ASXL2: variants seen among roughly 807,000 people sequenced by gnomAD.
ASXL2 encodes the protein putative Polycomb group protein ASXL2.
Under a neutral mutation model 122.0 loss-of-function variants are expected in ASXL2, and 23 were observed. That is an observed-to-expected ratio of 0.19 (90% CI 0.14 to 0.27). ASXL2 has a LOEUF of 0.27. Among genes scored for constraint, ASXL2 ranks in the 10% least tolerant of loss-of-function variants. ASXL2 has a pLI of 1.00. For missense variants in ASXL2, 1,518 were observed against 1,713.8 expected, an observed-to-expected ratio of 0.89 and a Z score of 2.02; for synonymous variants, 650 against 637.0, an observed-to-expected ratio of 1.02 and a Z score of -0.31.
intron 1 of ASXL2, among the ~76,000 whole-genome samples, chr2:25,858,391 C>A (rs1394451424): frequency 1.3e-5 from 2 of 151,404 alleles, no homozygotes; most frequent in Non-Finnish European, 2.9e-5. Context: ...CAGCCATGTC[C>A]TCCTCATCTC....
At chr2:25,831,795 AT>A (rs2089457370) in intron 3 of ASXL2, among the ~76,000 whole-genome samples, 1 of 152,240 alleles carries the variant, frequency 6.6e-6, no homozygotes, top group African/African-American at 2.4e-5. Flanking sequence ...ACCAAGATAC[AT>A]CATAATTAAA....
intron 7 of ASXL2, among the ~76,000 whole-genome samples, chr2:25,768,113 A>G (rs2088384664): frequency 1.3e-5 from 2 of 152,240 alleles, no homozygotes; most frequent in Admixed American, 6.5e-5. Flanking sequence ...AGACATGTCC[A>G]AAAGAAACTC....
chr2:25,736,710 G>C lies in ASXL2; in HGVS notation c.*5319C>G, dbSNP rs1350052475. On this transcript the variant is annotated 3_prime_UTR_variant, in exon 13 of 13. Coordinates refer to ENST00000435504, the MANE Select transcript of ASXL2 (RefSeq NM_018263.6). ...CCAAAATATATTTTTTCTTTTCAGT[G>C]AAAGTAACCACAGCTGGGCAATTAT... The C allele has an allele frequency of 2.0e-5, 3 of 150,890 alleles. No individual in the cohort carries two copies. Among genetic ancestry groups the C allele is most frequent in the African/African-American group, 7.3e-5 (3 of 41,052 alleles). 9.3% of individuals were successfully genotyped at this position (150,890 alleles called of 1,614,324 possible). A position where few individuals can be genotyped will look rare whatever the true frequency, so the allele number is the denominator to read the frequency against.
intron 1 of ASXL2, among the ~76,000 whole-genome samples, chr2:25,857,738 T>G (rs1003920057): frequency 6.6e-6 from 1 of 152,210 alleles, no homozygotes; most frequent in Non-Finnish European, 1.5e-5. Context: ...GTCATCCAGC[T>G]TTCACTTTCC....
chr2:25,766,454 A>G lies in ASXL2; in HGVS notation c.775+1129T>C, dbSNP rs1438970702. 4.6e-5 allele frequency among the ~76,000 whole-genome samples: 7 copies of G among 152,256 alleles called. No homozygotes were observed. In the East Asian group the frequency reaches 9.6e-4, roughly 21 times the overall value. On this transcript the variant is annotated intron_variant, in intron 8 of 12. Coordinates refer to ENST00000435504, the MANE Select transcript of ASXL2 (RefSeq NM_018263.6). The stretch of plus-strand genomic sequence containing the variant: ...CCAAGTTTCTTACTTTTTCTCTCCT[A>G]CTGAACCTCTTTTTAACTTTGACAG...
chr2:25,843,301 C>CAAAA (rs35388163), intron 2 of ASXL2, among the ~76,000 whole-genome samples: 1 of 93,028 alleles, frequency 1.1e-5, no homozygotes, highest in Non-Finnish European at 2.1e-5. Context: ...GACTTCGTCT[C>CAAAA]AAAAAAAAAA....
intron 1 of ASXL2, among the ~76,000 whole-genome samples, chr2:25,850,640 G>A: frequency 6.6e-6 from 1 of 152,010 alleles, no homozygotes; most frequent in Admixed American, 6.6e-5. Flanking sequence ...GGATAGATGT[G>A]GTCTATCTGA....
intron 1 of ASXL2, among the ~76,000 whole-genome samples, chr2:25,865,477 C>T (rs1294436727): frequency 6.7e-6 from 1 of 148,702 alleles, no homozygotes; most frequent in Non-Finnish European, 1.5e-5. Context: ...TTTTTTAAAT[C>T]CAAATATAGG....
chr2:25,813,972 C>A (rs1231689393), intron 3 of ASXL2, among the ~76,000 whole-genome samples: 1 of 152,110 alleles, frequency 6.6e-6, no homozygotes, highest in Non-Finnish European at 1.5e-5. Flanking sequence ...ATGGCGTGAA[C>A]CCAGGAGGCG....
At chr2:25,805,205 C>G (rs562858884) in intron 4 of ASXL2, among the ~76,000 whole-genome samples, 96 of 152,236 alleles carry the variant, frequency 6.3e-4, no homozygotes, top group African/African-American at 2.2e-3. Flanking sequence ...TTGACTTTCT[C>G]CATTATAAAA....
Position 25,740,482 on chromosome 2 carries a change from A to C in ASXL2, c.*1547T>G, listed in dbSNP as rs771167152. 4.3e-4 allele frequency: 97 copies of C among 228,076 alleles called. No individual in the cohort carries two copies. Among genetic ancestry groups the C allele is most frequent in the Non-Finnish European group, 7.4e-4 (85 of 114,990 alleles). 14.1% of individuals were successfully genotyped at this position (228,076 alleles called of 1,614,324 possible). A position where few individuals can be genotyped will look rare whatever the true frequency, so the allele number is the denominator to read the frequency against. The stretch of plus-strand genomic sequence containing the variant: ...TACCCATTCCAAATTAGGAGACTTG[A>C]AATCAATATGCAAATGATGCAAATT... On this transcript the variant is annotated 3_prime_UTR_variant, in exon 13 of 13. Transcript: ENST00000435504.
At chr2:25,804,184 G>A (rs2089044289) in intron 4 of ASXL2, among the ~76,000 whole-genome samples, 1 of 152,022 alleles carries the variant, frequency 6.6e-6, no homozygotes, top group Non-Finnish European at 1.5e-5. Context: ...TCTAATGTTA[G>A]GCTCTACACA....
chr2:25,818,194 A>C lies in ASXL2; in HGVS notation c.144-11857T>G, dbSNP rs557091040. ...TTAGAGTATATTTGACCAATGACTT[A>C]CTATACCTCAAATCCTGTTTAAAAA... On this transcript the variant is annotated intron_variant, in intron 3 of 12. Coordinates refer to ENST00000435504, the MANE Select transcript of ASXL2 (RefSeq NM_018263.6). 2.0e-5 allele frequency among the ~76,000 whole-genome samples: 3 copies of C among 152,364 alleles called. No individual in the cohort carries two copies. In the South Asian group the frequency reaches 6.2e-4, roughly 32 times the overall value.
chr2:25,830,827 G>T (rs2089441756), intron 3 of ASXL2: 1 of 152,038 alleles, frequency 6.6e-6, no homozygotes, highest in Admixed American at 6.6e-5. Context: ...AAATCAGTAA[G>T]AGAGTGGAGA....
At chr2:25,843,331 G>A (rs1156234574) in intron 2 of ASXL2, among the ~76,000 whole-genome samples, 1 of 151,326 alleles carries the variant, frequency 6.6e-6, no homozygotes, top group Admixed American at 6.6e-5. Context: ...TAGAGACGGG[G>A]TTTTACCATG....
chr2:25,872,337 G>A (rs55935326), intron 1 of ASXL2, among the ~76,000 whole-genome samples: 6,474 of 151,902 alleles, frequency 0.043, 210 homozygotes, highest in African/African-American at 0.081. Context: ...AGCTAAGATC[G>A]CACCACCGCA....
intron 6 of ASXL2, among the ~76,000 whole-genome samples, chr2:25,770,925 T>G (rs963158991): frequency 6.6e-6 from 1 of 151,486 alleles, no homozygotes; most frequent in Non-Finnish European, 1.5e-5. Context: ...AATTAGACAC[T>G]TTAAAAAATG....
intron 1 of ASXL2, among the ~76,000 whole-genome samples, chr2:25,859,347 T>A (rs1350749974): frequency 6.6e-6 from 1 of 152,218 alleles, no homozygotes; most frequent in Admixed American, 6.5e-5. Context: ...TAATTATAGC[T>A]GAACTTCCAA....
chr2:25,757,113 CTA>C (rs2088147660), intron 9 of ASXL2, among the ~76,000 whole-genome samples: 2 of 152,096 alleles, frequency 1.3e-5, no homozygotes. Flanking sequence ...TGATCCAAAC[CTA>C]TGTTTTTCTC....
Sources: allele counts gnomAD v4.1 joint callset (sites outside exome capture counted in the v4.1 genomes callset), GRCh38; gene constraint gnomAD v4.1.1; transcripts MANE v1.5; gene names NCBI Gene and HGNC (gene_info 2026-07-23, HGNC 2026-07-21).